BLM: variants seen among roughly 807,000 people sequenced by gnomAD.
BLM encodes recQ-like DNA helicase BLM.
In BLM, 95 loss-of-function variants were observed where a neutral mutation model predicts 135.3. The observed-to-expected ratio is 0.70, with a 90% CI of 0.59 to 0.83. The LOEUF is 0.83. Ranked by LOEUF, BLM falls within the 40% of genes least tolerant of loss-of-function variation. BLM has a pLI of 0.00. For synonymous variants in BLM, 520 were observed against 589.2 expected (o/e 0.88, Z 1.70); for missense variants, 1,518 against 1,663.9 (o/e 0.91, Z 1.53).
intron 14 of BLM, among the ~76,000 whole-genome samples, chr15:90,789,987 GTTTTTTTTTTTTTTTTTTTTTTTT>G: frequency 1.7e-5 from 1 of 57,378 alleles, no homozygotes; most frequent in South Asian, 8.3e-4. Context: ...AGTCCCTGGT[GTTTTTTTTTTTTTTTTTTTTTTTT>G]TTTTTTTTTT....
At chr15:90,808,924 T>C in intron 19 of BLM, 2 of 638,022 alleles carry the variant, frequency 3.1e-6, no homozygotes, top group Non-Finnish European at 2.8e-6. Flanking sequence ...CCCTGGCCTA[T>C]GCCGCTGGAA....
chr15:90,790,956 A>C, intron 15 of BLM, 112 bp downstream of exon 15: 1 of 1,084,952 alleles, frequency 9.2e-7, no homozygotes, highest in South Asian at 1.3e-5. Context: ...ATCGTAGAAA[A>C]ATAGAGGAGT....
Position 90,749,636 on chromosome 15 carries a change from A to G in BLM, c.368A>G (p.Gln123Arg), listed in dbSNP as rs371223446. The part of the protein sequence containing the change: ...QTPKEVVCTT[Q>R]NTPTVKKSRD... ...CCGAAGGAAGTTGTATGCACTACCC[A>G]AAACACACCAACTGTAAAGAAATCC... Residue 123 changes from glutamine to arginine, a missense_variant, in exon 3 of 22, where the codon CAA (glutamine) becomes CGA (arginine). Physicochemically the swap from Gln to Arg is conservative, Grantham distance 43. Coordinates refer to ENST00000355112, the MANE Select transcript of BLM (RefSeq NM_000057.4). 2.0e-5 allele frequency: 33 copies of G among 1,614,060 alleles called. No homozygotes were observed. The highest frequency in any genetic ancestry group is 3.3e-5 in the Admixed American group (2 of 59,990).
rs1371241049 is a variant in BLM, at chr15:90,785,017, C to G, written c.2759C>G (p.Ala920Gly). The change falls in exon 14 of 22, where the codon GCT becomes GGT. Residue 920 changes from alanine to glycine, a missense_variant. Ala to Gly is a moderately conservative substitution (Grantham distance 60). Coordinates refer to ENST00000355112, the MANE Select transcript of BLM (RefSeq NM_000057.4). ...RDGLAALAYH[A>G]GLSDSARDEV... The stretch of plus-strand genomic sequence containing the variant: ...GGGCTCGCTGCTCTTGCTTACCATG[C>G]TGGCCTCAGTGATTCTGCCAGAGAT... The G allele has an allele frequency of 6.2e-7, 1 of 1,614,164 alleles. No homozygotes were observed. Among genetic ancestry groups the G allele is most frequent in the African/African-American group, 1.3e-5 (1 of 75,024 alleles).
chr15:90,744,158 A>G (rs1414279779), intron 1 of BLM, among the ~76,000 whole-genome samples: 1 of 152,136 alleles, frequency 6.6e-6, no homozygotes, highest in Non-Finnish European at 1.5e-5. Flanking sequence ...GATGCCATAG[A>G]CCACTTTGTT....
At chr15:90,733,444 C>G (rs1224409131) in intron 1 of BLM, among the ~76,000 whole-genome samples, 1 of 152,128 alleles carries the variant, frequency 6.6e-6, no homozygotes, top group Non-Finnish European at 1.5e-5. Context: ...GAAAATTCTA[C>G]TACATTTATG....
Position 90,782,745 on chromosome 15 carries a change from G to C in BLM, c.2556-77G>C, listed in dbSNP as rs568400725. ...CACTGGGGGTTAGGATTTTAGGGGG[G>C]ACACATGTAGTCTATAACAATACCT... On this transcript the variant is annotated intron_variant, in intron 12 of 21. Coordinates refer to ENST00000355112, the MANE Select transcript of BLM (RefSeq NM_000057.4). 1,551 of 1,106,312 alleles carry C rather than the reference G, an allele frequency of 1.4e-3. 4 individuals are homozygous for C. Among genetic ancestry groups the C allele is most frequent in the Non-Finnish European group, 1.4e-3 (1,048 of 737,342 alleles). The allele number at this position is 1,106,312 out of a possible 1,614,324, so 68.5% of individuals were successfully genotyped here.
In BLM at chr15:90,749,778, T is replaced by C; in HGVS notation, c.510T>C (p.Val170=). Residue 170 remains valine, a synonymous_variant, in exon 3 of 22, where the codon GTT becomes GTC. Coordinates refer to ENST00000355112, the MANE Select transcript of BLM (RefSeq NM_000057.4). ...CTTCTGAGACTTCAAAATCATTTGT[T>C]ACACCACCCCAAAGTCACTTTGTAA... ...FDTSETSKSF[V]TPPQSHFVRV... The C allele has an allele frequency of 1.2e-6, 2 of 1,612,630 alleles. No homozygotes were observed. The highest frequency in any genetic ancestry group is 1.7e-6 in the Non-Finnish European group (2 of 1,179,078).
chr15:90,782,352 C>A (rs1896636119), intron 12 of BLM, among the ~76,000 whole-genome samples: 1 of 152,104 alleles, frequency 6.6e-6, no homozygotes, highest in Non-Finnish European at 1.5e-5. Context: ...TGTGCCACTG[C>A]ACTCCAGCCT....
rs1439192800 is a variant in BLM, at chr15:90,811,297, T to C, written c.3967T>C (p.Ser1323Pro). The C allele has an allele frequency of 6.2e-7, 1 of 1,614,200 alleles. No homozygotes were observed. The highest frequency in any genetic ancestry group is 1.1e-5 in the South Asian group (1 of 91,090). ...GCTCGACGAGGAAATACCCGTATCTTCCCACTACTTTGCAAGTAAAACCAG... is the reference window on the plus strand; with the variant it reads ...GCTCGACGAGGAAATACCCGTATCTCCCCACTACTTTGCAAGTAAAACCAG... The part of the protein sequence containing the change: ...EELDEEIPVS[S>P]HYFASKTRNE... The change falls in exon 21 of 22, where the codon TCC (serine) becomes CCC (proline). Residue 1323 changes from serine (S) to proline (P), a missense_variant. Physicochemically the swap from Ser to Pro is moderately conservative, Grantham distance 74. This residue lies in a region of BLM where 153 missense variants were observed against 173.4 expected (regional missense o/e 0.88). Coordinates refer to ENST00000355112, the MANE Select transcript of BLM (RefSeq NM_000057.4).
chr15:90,759,542 A>C (rs1160864510), intron 5 of BLM, among the ~76,000 whole-genome samples: 1 of 152,130 alleles, frequency 6.6e-6, no homozygotes, highest in South Asian at 2.1e-4. Context: ...TTCAGTGAGC[A>C]GTGATTGCAC....
chr15:90,782,754 A>G, intron 12 of BLM, 68 bp from the exon 13 acceptor site: 2 of 1,193,470 alleles, frequency 1.7e-6, no homozygotes. Flanking sequence ...GGACACATGT[A>G]GTCTATAACA....
rs1429829646 is a variant in BLM, at chr15:90,815,189, G to A, written c.4164G>A (p.Ala1388=). The change falls in exon 22 of 22, where the codon GCG becomes GCA. Residue 1388 remains alanine (A), a synonymous_variant. Transcript: ENST00000355112. This position sits in a 1 kb window ranked among gnomAD's most constrained non-coding sequence, Gnocchi z 4.6. ...GTTCAGCCTCACATACTTCTCAAGC[G>A]ACATCAGGAGCCAATAGCAAATTGG... ...GSSSASHTSQ[A]TSGANSKLGI... 7 of 1,614,128 alleles carry A rather than the reference G, an allele frequency of 4.3e-6. No individual in the cohort carries two copies. Among genetic ancestry groups the A allele is most frequent in the East Asian group, 2.2e-5 (1 of 44,886 alleles).
In BLM at chr15:90,749,964, C is replaced by T; in HGVS notation, c.696C>T (p.Ser232=). Reference sequence around the variant, plus strand: ...AGAAGGATGACTCAGAATGGTTAAGCAGCGATGTGATTTGCATCGATGATG... The same window carrying T: ...AGAAGGATGACTCAGAATGGTTAAGTAGCGATGTGATTTGCATCGATGATG... ...EEQKDDSEWL[S]SDVICIDDGP... The change falls in exon 3 of 22, where the codon AGC becomes AGT. Residue 232 remains serine (S), a synonymous_variant. Transcript: ENST00000355112. The T allele has an allele frequency of 6.2e-7, 1 of 1,614,230 alleles. No individual in the cohort carries two copies. Among genetic ancestry groups the T allele is most frequent in the Non-Finnish European group, 8.5e-7 (1 of 1,180,034 alleles).
At chr15:90,809,897 T>C (rs1454022727) in intron 20 of BLM, among the ~76,000 whole-genome samples, 1 of 152,066 alleles carries the variant, frequency 6.6e-6, no homozygotes, top group Non-Finnish European at 1.5e-5. Context: ...TTGTAGGAAA[T>C]ATTGAGAGCA....
chr15:90,806,577 CT>C (rs1332232600), intron 19 of BLM, among the ~76,000 whole-genome samples: 1 of 151,462 alleles, frequency 6.6e-6, no homozygotes, highest in Non-Finnish European at 1.5e-5. Flanking sequence ...ATGTTTTATG[CT>C]TCTTTGAATC....
At chr15:90,718,806 A>G (rs774075108) in intron 1 of BLM, among the ~76,000 whole-genome samples, 2 of 152,126 alleles carry the variant, frequency 1.3e-5, no homozygotes, top group Non-Finnish European at 1.5e-5. Flanking sequence ...AAAGTGTTAG[A>G]TGTGCAGTAG....
At chr15:90,790,946 A>G in intron 15 of BLM, 102 bp downstream of exon 15, 1 of 1,225,826 alleles carries the variant, frequency 8.2e-7, no homozygotes, top group Non-Finnish European at 1.2e-6. Context: ...TCCTTAAATA[A>G]TCGTAGAAAA....
In BLM at chr15:90,747,435, C is replaced by A. The variant is rs148545569; in HGVS notation, c.43C>A (p.Arg15Ser). The A allele has an allele frequency of 2.5e-6, 4 of 1,611,734 alleles. No homozygotes were observed. The highest frequency in any genetic ancestry group is 3.3e-5 in the Admixed American group (2 of 59,874). Reference sequence around the variant, plus strand: ...AAATAATCTACAGGAGCAACTAGAACGTCACTCAGCCAGAACACTTAATAA... The same window carrying A: ...AAATAATCTACAGGAGCAACTAGAAAGTCACTCAGCCAGAACACTTAATAA... Reference protein sequence around the residue: ...PQNNLQEQLERHSARTLNNKL... With the variant: ...PQNNLQEQLESHSARTLNNKL... Residue 15 changes from arginine to serine, a missense_variant, in exon 2 of 22, where the codon CGT becomes AGT. This residue lies in a region of BLM where 724 missense variants were observed against 756.9 expected (regional missense o/e 0.96). Coordinates refer to ENST00000355112, the MANE Select transcript of BLM (RefSeq NM_000057.4).
Sources: allele counts gnomAD v4.1 joint callset (sites outside exome capture counted in the v4.1 genomes callset), GRCh38; gene constraint gnomAD v4.1.1; regional missense constraint gnomAD v4.1.1; non-coding constraint Gnocchi (gnomAD v3.1); transcripts MANE v1.5; gene names NCBI Gene and HGNC (gene_info 2026-07-23, HGNC 2026-07-21).